SNTG2: variants seen among roughly 807,000 people sequenced by gnomAD.
The protein encoded by SNTG2 is syntrophin gamma 2, also known as gamma-2-syntrophin.
SNTG2 carries 74 observed loss-of-function variants against 70.9 expected under a neutral mutation model. The observed-to-expected ratio is 1.04, with a 90% CI of 0.86 to 1.27. SNTG2 has a LOEUF of 1.27. SNTG2 is among the 50% of genes most tolerant of loss of function. The probability of loss-of-function intolerance (pLI) is 0.00; values close to 1 mark genes in which losing one functional copy is unlikely to be tolerated. For missense variants in SNTG2, 717 were observed against 690.7 expected, an observed-to-expected ratio of 1.04 and a Z score of -0.43; for synonymous variants, 278 against 273.8, an observed-to-expected ratio of 1.02 and a Z score of -0.15.
intron 16 of SNTG2, among the ~76,000 whole-genome samples, chr2:1,364,827 G>C (rs568445750): frequency 2.0e-5 from 3 of 151,660 alleles, no homozygotes; most frequent in Admixed American, 6.6e-5. Context: ...GGAGAATGGC[G>C]TGAACCCAGG....
chr2:1,012,297 G>A (rs1250112947), intron 1 of SNTG2, among the ~76,000 whole-genome samples: 2 of 152,180 alleles, frequency 1.3e-5, no homozygotes, highest in East Asian at 3.9e-4. Context: ...AAATAACGTT[G>A]TTCATCTCTG....
intron 9 of SNTG2, among the ~76,000 whole-genome samples, chr2:1,222,465 GT>G (rs1675325651): frequency 3.5e-5 from 5 of 142,758 alleles, no homozygotes; most frequent in African/African-American, 8.1e-5. Flanking sequence ...TAAGCTGGAG[GT>G]GCTGGATCGC....
chr2:1,256,727 G>C (rs1033956765), intron 12 of SNTG2: 2 of 152,168 alleles, frequency 1.3e-5, no homozygotes, highest in Non-Finnish European at 2.9e-5. Flanking sequence ...AAGGATATCT[G>C]TGAAAGGCTG....
chr2:965,569 TCCCCTCCTCCTCTGTGGC>T (rs904374938), intron 1 of SNTG2, among the ~76,000 whole-genome samples: 6 of 149,732 alleles, frequency 4.0e-5, no homozygotes, highest in South Asian at 2.1e-4. Context: ...TCTTCTGTGG[TCCCCTCCTCCTCTGTGGC>T]CCCCTCCTCC....
At chr2:959,833 G>C (rs551873433) in intron 1 of SNTG2, among the ~76,000 whole-genome samples, 9 of 151,630 alleles carry the variant, frequency 5.9e-5, no homozygotes, top group Non-Finnish European at 1.3e-4. Context: ...TGTATGAATA[G>C]TGGCATGGTA....
chr2:1,363,341 A>G (rs1221698079), intron 16 of SNTG2, among the ~76,000 whole-genome samples: 1 of 152,146 alleles, frequency 6.6e-6, no homozygotes, highest in Admixed American at 6.5e-5. Context: ...TTTGCCTTTA[A>G]GCTTTCCTGA....
chr2:986,107 G>GAGAA (rs1553304950), intron 1 of SNTG2, among the ~76,000 whole-genome samples: 1 of 144,066 alleles, frequency 6.9e-6, no homozygotes, highest in Non-Finnish European at 1.5e-5. Flanking sequence ...GAGAGAGAGA[G>GAGAA]AGATCAGAGG....
At chr2:1,157,783 G>A (rs968479245) in intron 6 of SNTG2, among the ~76,000 whole-genome samples, 3 of 152,210 alleles carry the variant, frequency 2.0e-5, no homozygotes, top group African/African-American at 7.2e-5. Context: ...ACAGACTAGA[G>A]ATGTGCTGTA....
intron 4 of SNTG2, among the ~76,000 whole-genome samples, chr2:1,102,902 A>G (rs1451502857): frequency 6.6e-6 from 1 of 152,168 alleles, no homozygotes; most frequent in Non-Finnish European, 1.5e-5. Flanking sequence ...CGCACCTTGA[A>G]TTCTTCGCGA....
At chr2:1,027,264 T>C (rs1660530751) in intron 1 of SNTG2, among the ~76,000 whole-genome samples, 1 of 152,018 alleles carries the variant, frequency 6.6e-6, no homozygotes, top group Non-Finnish European at 1.5e-5. Context: ...AGTAAAGAGA[T>C]AAGCAGGTGC....
intron 8 of SNTG2, among the ~76,000 whole-genome samples, chr2:1,194,085 A>C (rs902253680): frequency 6.6e-6 from 1 of 152,156 alleles, no homozygotes; most frequent in African/African-American, 2.4e-5. Flanking sequence ...TTCCTCTACC[A>C]CATTAGTGTT....
At chr2:1,282,451 G>A (rs981892339) in intron 14 of SNTG2, among the ~76,000 whole-genome samples, 2 of 152,178 alleles carry the variant, frequency 1.3e-5, no homozygotes, top group Admixed American at 1.3e-4. Context: ...AAACGCTACT[G>A]CATGCTTTGG....
chr2:1,166,380 A>G (rs1670707229), intron 7 of SNTG2, among the ~76,000 whole-genome samples: 2 of 152,252 alleles, frequency 1.3e-5, no homozygotes, highest in East Asian at 1.9e-4. Flanking sequence ...GTTCCTTCTC[A>G]TGGGGGCTGG....
At chr2:1,003,241 A>G (rs1659464610) in intron 1 of SNTG2, among the ~76,000 whole-genome samples, 1 of 152,198 alleles carries the variant, frequency 6.6e-6, no homozygotes, top group Admixed American at 6.5e-5. Context: ...TAAATCTATA[A>G]AAATAATTCA....
At chr2:1,168,861 G>A (rs953077153) in intron 7 of SNTG2, among the ~76,000 whole-genome samples, 4 of 152,326 alleles carry the variant, frequency 2.6e-5, no homozygotes, top group African/African-American at 7.2e-5. Context: ...TGAGAAAGGC[G>A]AATATTCCCA....
chr2:1,267,302 G>A (rs887600081), intron 13 of SNTG2, 63 bp from the exon 14 acceptor site: 111 of 1,458,276 alleles, frequency 7.6e-5, no homozygotes, highest in Non-Finnish European at 1.0e-4. Context: ...CCCACACCAG[G>A]GCCCTCAGCA....
chr2:1,169,334 G>A (rs1325616208), intron 7 of SNTG2, among the ~76,000 whole-genome samples: 2 of 152,134 alleles, frequency 1.3e-5, no homozygotes, highest in Non-Finnish European at 2.9e-5. Flanking sequence ...CCCTGGGGCC[G>A]TTCCTGACTT....
chr2:1,346,515 G>T (rs1660285159), intron 16 of SNTG2: 1 of 152,288 alleles, frequency 6.6e-6, no homozygotes, highest in Admixed American at 6.5e-5. Flanking sequence ...GGGCAGCCAG[G>T]ACATGAACTG....
chr2:1,041,451 G>A (rs923052541), intron 1 of SNTG2, among the ~76,000 whole-genome samples: 2 of 152,064 alleles, frequency 1.3e-5, no homozygotes, highest in Admixed American at 6.6e-5. Flanking sequence ...ATTGCTAGCC[G>A]ATATAGTTTG....
Sources: allele counts gnomAD v4.1 joint callset (sites outside exome capture counted in the v4.1 genomes callset), GRCh38; gene constraint gnomAD v4.1.1; transcripts MANE v1.5; gene names NCBI Gene and HGNC (gene_info 2026-07-23, HGNC 2026-07-21).